Variants in PTPRD observed in about 807,000 individuals in gnomAD.
PTPRD encodes protein tyrosine phosphatase receptor type D, also known as receptor-type tyrosine-protein phosphatase delta.
Under a neutral mutation model 214.5 loss-of-function variants are expected in PTPRD, and 34 were observed. The ratio of observed to expected loss-of-function variants is 0.16; its 90% CI spans 0.12 to 0.21. The LOEUF is 0.21. Ranked by LOEUF, PTPRD falls within the 10% of genes least tolerant of loss-of-function variation. The pLI is 1.00. For missense variants in PTPRD, 2,545 were observed against 2,398.7 expected (o/e 1.06, Z -1.27); for synonymous variants, 1,128 against 845.7 (o/e 1.33, Z -5.79).
chr9:10,035,311 A>G lies in PTPRD; in HGVS notation c.-544-1521T>C, dbSNP rs115521154. 3.8e-3 allele frequency among the ~76,000 whole-genome samples: 574 copies of G among 151,542 alleles called. 6 individuals are homozygous for G. The highest frequency in any genetic ancestry group is 0.012 in the African/African-American group (497 of 41,254). ...ATTTTTTTTTCTTGTAAATTTGTTT[A>G]TGTTCCTTATACATACTGGATATTA... On this transcript the variant is annotated intron_variant, in intron 3 of 45. Coordinates refer to ENST00000381196, the MANE Select transcript of PTPRD (RefSeq NM_002839.4).
chr9:9,981,725 T>C (rs545150716), intron 4 of PTPRD, among the ~76,000 whole-genome samples: 1 of 152,160 alleles, frequency 6.6e-6, no homozygotes, highest in South Asian at 2.1e-4. Flanking sequence ...GAAAAAGAAA[T>C]AGAAGTAATG....
chr9:9,282,371 A>G (rs1016367051), intron 9 of PTPRD, among the ~76,000 whole-genome samples: 1 of 151,310 alleles, frequency 6.6e-6, no homozygotes, highest in Non-Finnish European at 1.5e-5. Context: ...GAAGTTTGCT[A>G]TGAACCTTAA....
intron 20 of PTPRD, among the ~76,000 whole-genome samples, chr9:8,520,986 C>A (rs1329953670): frequency 6.6e-6 from 1 of 151,920 alleles, no homozygotes; most frequent in African/African-American, 2.4e-5. Context: ...CCATAATGGT[C>A]GACCATGTGT....
intron 3 of PTPRD, among the ~76,000 whole-genome samples, chr9:10,296,255 T>C (rs978909254): frequency 6.6e-6 from 1 of 152,050 alleles, no homozygotes; most frequent in Non-Finnish European, 1.5e-5. Context: ...ACCAACCCAA[T>C]AGTCACATAA....
intron 8 of PTPRD, among the ~76,000 whole-genome samples, chr9:9,559,718 T>A (rs1335048380): frequency 1.3e-5 from 2 of 152,216 alleles, no homozygotes; most frequent in Non-Finnish European, 2.9e-5. Context: ...AAACTGTTCC[T>A]GGCTCTCTGG....
intron 17 of PTPRD, 114 bp from the exon 18 acceptor site, chr9:8,525,149 C>A: frequency 2.3e-6 from 2 of 858,762 alleles, no homozygotes; most frequent in South Asian, 1.3e-5. Context: ...GTCCACTCAA[C>A]GTCGATTCAA....
intron 5 of PTPRD, among the ~76,000 whole-genome samples, chr9:9,928,672 G>T (rs1287860189): frequency 6.6e-6 from 1 of 151,766 alleles, no homozygotes; most frequent in Non-Finnish European, 1.5e-5. Flanking sequence ...CTCGACTAGT[G>T]ATACCTGACC....
chr9:8,677,330 T>C (rs2097446538), intron 12 of PTPRD, among the ~76,000 whole-genome samples: 1 of 152,192 alleles, frequency 6.6e-6, no homozygotes. Flanking sequence ...GAGGAAATAC[T>C]ACCCAGCTAT....
chr9:8,731,037 T>A (rs973854228), intron 12 of PTPRD, among the ~76,000 whole-genome samples: 1 of 152,254 alleles, frequency 6.6e-6, no homozygotes, highest in Non-Finnish European at 1.5e-5. Context: ...TGGCAAAGAC[T>A]ATAATTTTCT....
chr9:9,115,293 C>G (rs1307398778), intron 10 of PTPRD, among the ~76,000 whole-genome samples: 1 of 152,002 alleles, frequency 6.6e-6, no homozygotes, highest in African/African-American at 2.4e-5. Flanking sequence ...TGAAAATAAT[C>G]TTACATAGAG....
At chr9:8,575,522 T>C (rs1476597086) in intron 14 of PTPRD, among the ~76,000 whole-genome samples, 1 of 152,198 alleles carries the variant, frequency 6.6e-6, no homozygotes, top group Non-Finnish European at 1.5e-5. Flanking sequence ...CCTTCGTTAC[T>C]GTGACCTCCC....
At chr9:8,971,800 AACT>A (rs1040800907) in intron 11 of PTPRD, among the ~76,000 whole-genome samples, 1 of 151,618 alleles carries the variant, frequency 6.6e-6, no homozygotes, top group African/African-American at 2.4e-5. Context: ...TCTGAAAAGT[AACT>A]ACTATTATTA....
intron 8 of PTPRD, among the ~76,000 whole-genome samples, chr9:9,467,213 C>CGTT (rs1295163512): frequency 1.1e-4 from 10 of 92,902 alleles, no homozygotes; most frequent in Non-Finnish European, 1.4e-4. Flanking sequence ...GTTCATTTAT[C>CGTT]TTTTTTTTTT....
At chr9:8,503,677 C>T (rs1422427215) in intron 23 of PTPRD, among the ~76,000 whole-genome samples, 1 of 152,118 alleles carries the variant, frequency 6.6e-6, no homozygotes, top group Non-Finnish European at 1.5e-5. Context: ...AATATGTTTG[C>T]GATTATTCCA....
chr9:8,726,221 T>G (rs2098555603), intron 12 of PTPRD, among the ~76,000 whole-genome samples: 2 of 152,084 alleles, frequency 1.3e-5, no homozygotes, highest in South Asian at 4.1e-4. Flanking sequence ...GCTTGGAGTT[T>G]CTGAATTAAC....
At chr9:10,301,772 GAA>G (rs1180953757) in intron 3 of PTPRD, among the ~76,000 whole-genome samples, 1 of 152,166 alleles carries the variant, frequency 6.6e-6, no homozygotes, top group Admixed American at 6.5e-5. Context: ...GGGACTATGT[GAA>G]AAGACCAAAT....
At chr9:8,411,034 A>C (rs1260448097) in intron 35 of PTPRD, among the ~76,000 whole-genome samples, 1 of 152,118 alleles carries the variant, frequency 6.6e-6, no homozygotes, top group Non-Finnish European at 1.5e-5. Context: ...TATTAGAATT[A>C]TCTTAATCTA....
intron 7 of PTPRD, among the ~76,000 whole-genome samples, chr9:9,673,368 T>C (rs2096866776): frequency 6.6e-6 from 1 of 151,862 alleles, no homozygotes; most frequent in Admixed American, 6.6e-5. Flanking sequence ...TATTTGTTAA[T>C]GAATAATTAT....
In PTPRD at chr9:8,485,744, T is replaced by C; in HGVS notation, c.3055+18A>G. ...ACAATCCTTTAAAGGAGGAAGGCCG[T>C]AAGCAGACAAATCCTACCTTGATCC... On this transcript the variant is annotated intron_variant, in intron 28 of 45. Transcript: ENST00000381196. 1.1e-5 allele frequency: 17 copies of C among 1,592,392 alleles called. No individual in the cohort carries two copies. The highest frequency in any genetic ancestry group is 1.5e-5 in the Non-Finnish European group (17 of 1,167,194).
Sources: allele counts gnomAD v4.1 joint callset (sites outside exome capture counted in the v4.1 genomes callset), GRCh38; gene constraint gnomAD v4.1.1; transcripts MANE v1.5; gene names NCBI Gene and HGNC (gene_info 2026-07-23, HGNC 2026-07-21).